Variants in KCTD8 observed in about 807,000 individuals in gnomAD.
KCTD8 encodes the protein potassium channel tetramerization domain containing 8.
KCTD8 carries 27 observed loss-of-function variants against 31.5 expected under a neutral mutation model. The ratio of observed to expected loss-of-function variants is 0.86; its 90% CI spans 0.63 to 1.18. The LOEUF is 1.18. Among genes scored for constraint, KCTD8 ranks in the 50% most tolerant of loss-of-function variants. The pLI, the probability that KCTD8 is intolerant of heterozygous loss-of-function variation, is 0.00. For missense variants in KCTD8, 658 were observed against 647.7 expected, an observed-to-expected ratio of 1.02 and a Z score of -0.17; for synonymous variants, 290 against 280.0, an observed-to-expected ratio of 1.04 and a Z score of -0.36.
At chr4:44,379,462 C>G (rs906521777) in intron 1 of KCTD8, among the ~76,000 whole-genome samples, 3 of 152,064 alleles carry the variant, frequency 2.0e-5, no homozygotes, top group Non-Finnish European at 4.4e-5. Flanking sequence ...ACTGTATATA[C>G]TTGATCCTGG....
At chr4:44,399,244 G>A (rs2109455225) in intron 1 of KCTD8, among the ~76,000 whole-genome samples, 1 of 152,220 alleles carries the variant, frequency 6.6e-6, no homozygotes, top group Non-Finnish European at 1.5e-5. Flanking sequence ...GTAGTGAAAG[G>A]CAGACGTCTG....
At chr4:44,227,723 A>G (rs552813027) in intron 1 of KCTD8, among the ~76,000 whole-genome samples, 59 of 152,346 alleles carry the variant, frequency 3.9e-4, no homozygotes, top group Admixed American at 3.5e-3. Flanking sequence ...TGGTATAAAC[A>G]TATTAAACCA....
chr4:44,269,733 T>C (rs968297520), intron 1 of KCTD8, among the ~76,000 whole-genome samples: 1 of 151,848 alleles, frequency 6.6e-6, no homozygotes, highest in African/African-American at 2.4e-5. Flanking sequence ...GGGCAAAGGA[T>C]ATGAACAGAC....
chr4:44,431,424 A>G (rs1029471873), intron 1 of KCTD8, among the ~76,000 whole-genome samples: 3 of 151,444 alleles, frequency 2.0e-5, no homozygotes, highest in African/African-American at 7.3e-5. Context: ...TATATTGTAA[A>G]TCCCCTAAGC....
Position 44,174,790 on chromosome 4 carries a change from C to A in KCTD8, c.1422G>T (p.Ter474TyrextTer1). Residue 474 changes from the stop codon to tyrosine (Y), a stop_lost, in exon 2 of 2, where the codon TAG becomes TAT. Coordinates refer to ENST00000360029, the MANE Select transcript of KCTD8 (RefSeq NM_198353.3). ...QSELLQKYGL[*>Y] ...AAATACTGCAGGAATGTGACAATTACTATAACCCATACTTCTGCAACAGTT... is the reference window on the plus strand; with the variant it reads ...AAATACTGCAGGAATGTGACAATTAATATAACCCATACTTCTGCAACAGTT... 6.3e-7 allele frequency: 1 copy of A among 1,592,196 alleles called. No homozygotes were observed.
chr4:44,391,974 A>G (rs1720385665), intron 1 of KCTD8, among the ~76,000 whole-genome samples: 1 of 151,978 alleles, frequency 6.6e-6, no homozygotes, highest in African/African-American at 2.4e-5. Flanking sequence ...CCAAATTTCA[A>G]GTCCTATATG....
intron 1 of KCTD8, among the ~76,000 whole-genome samples, chr4:44,195,686 A>G (rs1371354766): frequency 5.3e-5 from 8 of 152,204 alleles, no homozygotes; most frequent in Non-Finnish European, 1.2e-4. Flanking sequence ...CTACTTTATT[A>G]ATAACAAATA....
At chr4:44,200,954 A>G (rs1053288283) in intron 1 of KCTD8, among the ~76,000 whole-genome samples, 3 of 152,074 alleles carry the variant, frequency 2.0e-5, no homozygotes, top group Non-Finnish European at 2.9e-5. Flanking sequence ...AACAACTTCA[A>G]TAAAGTTTCA....
intron 1 of KCTD8, among the ~76,000 whole-genome samples, chr4:44,299,986 C>T (rs1717561094): frequency 6.6e-6 from 1 of 151,860 alleles, no homozygotes; most frequent in African/African-American, 2.4e-5. Context: ...CTCCTGACCT[C>T]GTGACCACCC....
At chr4:44,252,213 G>A (rs1350434893) in intron 1 of KCTD8, among the ~76,000 whole-genome samples, 2 of 151,808 alleles carry the variant, frequency 1.3e-5, no homozygotes, top group East Asian at 3.9e-4. Context: ...TGGCTGAGTG[G>A]TATTCCATTG....
At chr4:44,268,463 A>G (rs1716464032) in intron 1 of KCTD8, among the ~76,000 whole-genome samples, 1 of 152,186 alleles carries the variant, frequency 6.6e-6, no homozygotes, top group Non-Finnish European at 1.5e-5. Context: ...AACTGGAAGC[A>G]TTCCCTTTGA....
intron 1 of KCTD8, among the ~76,000 whole-genome samples, chr4:44,231,871 T>C (rs1373810592): frequency 1.3e-5 from 2 of 152,164 alleles, no homozygotes; most frequent in African/African-American, 4.8e-5. Context: ...AGGTTGATTC[T>C]AAGCAATGAC....
intron 1 of KCTD8, among the ~76,000 whole-genome samples, chr4:44,296,853 CA>C (rs1003649929): frequency 2.6e-5 from 4 of 151,944 alleles, no homozygotes; most frequent in African/African-American, 9.7e-5. Flanking sequence ...AATGACACCC[CA>C]AAGATTATAC....
intron 1 of KCTD8, among the ~76,000 whole-genome samples, chr4:44,347,903 T>A (rs1719077016): frequency 6.6e-6 from 1 of 152,128 alleles, no homozygotes; most frequent in Non-Finnish European, 1.5e-5. Flanking sequence ...ATGTCATTAT[T>A]ATCCCTGTAG....
chr4:44,228,685 T>C (rs1715034881), intron 1 of KCTD8, among the ~76,000 whole-genome samples: 1 of 152,162 alleles, frequency 6.6e-6, no homozygotes, highest in Non-Finnish European at 1.5e-5. Flanking sequence ...GAAACACTAT[T>C]ACCCCCCATT....
chr4:44,323,468 T>C (rs936854964), intron 1 of KCTD8, among the ~76,000 whole-genome samples: 23 of 149,542 alleles, frequency 1.5e-4, no homozygotes, highest in Non-Finnish European at 2.4e-4. Flanking sequence ...CACTCCAGCC[T>C]GGGCGACAAG....
chr4:44,329,877 C>T (rs187202881), intron 1 of KCTD8, among the ~76,000 whole-genome samples: 3 of 151,946 alleles, frequency 2.0e-5, no homozygotes, highest in Admixed American at 2.0e-4. Flanking sequence ...TAGATTTTAG[C>T]TATAGTAGAC....
At position 44,382,419 on chromosome 4, in the gene KCTD8, C is replaced by T. The variant is rs955660687; in HGVS notation, c.961+65144G>A. Among the ~76,000 whole-genome samples, 15 of 152,096 alleles carry T rather than the reference C, an allele frequency of 9.9e-5. 1 individual carries two copies. Among genetic ancestry groups the T allele is most frequent in the Middle Eastern group, 3.4e-3 (1 of 294 alleles). The stretch of plus-strand genomic sequence containing the variant: ...ATACCGAATGGGGAAAAGCTGAGAG[C>T]TTTTCTGTAAGAACTCAAACAAGAT... On this transcript the variant is annotated intron_variant, in intron 1 of 1. Coordinates refer to ENST00000360029, the MANE Select transcript of KCTD8 (RefSeq NM_198353.3).
intron 1 of KCTD8, among the ~76,000 whole-genome samples, chr4:44,332,988 T>C (rs538276946): frequency 2.6e-5 from 4 of 152,026 alleles, no homozygotes; most frequent in East Asian, 1.9e-4. Context: ...CTAAGGTCAA[T>C]TGCAGAGACC....
Sources: gnomAD v4.1 joint callset for allele counts (sites outside exome capture counted in the v4.1 genomes callset) on GRCh38, gnomAD v4.1.1 for gene constraint, MANE v1.5 for transcripts, NCBI Gene and HGNC (gene_info 2026-07-23, HGNC 2026-07-21) for gene names.